PPP3R1: variants seen among roughly 807,000 people sequenced by gnomAD.
PPP3R1 encodes calcineurin subunit B type 1.
PPP3R1 carries 5 observed loss-of-function variants against 22.6 expected under a neutral mutation model. The observed-to-expected ratio is 0.22, with a 90% CI of 0.12 to 0.46. PPP3R1 has a LOEUF of 0.46. Ranked by LOEUF, PPP3R1 falls within the 20% of genes least tolerant of loss-of-function variation. The pLI is 0.99. For synonymous variants in PPP3R1, 56 were observed against 65.2 expected, an observed-to-expected ratio of 0.86 and a Z score of 0.68; for missense variants, 61 against 203.2, an observed-to-expected ratio of 0.30 and a Z score of 4.25.
intron 1 of PPP3R1, among the ~76,000 whole-genome samples, chr2:68,232,638 GCT>G (rs1174552258): frequency 1.3e-5 from 2 of 151,748 alleles, no homozygotes; most frequent in African/African-American, 4.8e-5. Context: ...ACAGAGTCTT[GCT>G]CTGTCACCCA....
intron 1 of PPP3R1, among the ~76,000 whole-genome samples, chr2:68,246,257 T>C (rs1670235405): frequency 6.6e-6 from 1 of 151,730 alleles, no homozygotes; most frequent in Admixed American, 6.6e-5. Context: ...GTATTTTTAG[T>C]AGAGACAGGG....
intron 2 of PPP3R1, among the ~76,000 whole-genome samples, chr2:68,190,161 G>A (rs894785323): frequency 2.1e-5 from 3 of 145,788 alleles, no homozygotes; most frequent in East Asian, 4.1e-4. Flanking sequence ...CACGTAATTC[G>A]TAAAGAGGAA....
Position 68,204,145 on chromosome 2 carries a change from CTT to C in PPP3R1, c.43+12945_43+12946del, listed in dbSNP as rs576497569. ...TAAGGTAGTATCTTGCACTCAGTCA[CTT>C]TTCCAAAGTTATCATGCCAAGTTAG... On this transcript the variant is annotated intron_variant, in intron 2 of 5. Coordinates refer to ENST00000234310, the MANE Select transcript of PPP3R1 (RefSeq NM_000945.4). Among the ~76,000 whole-genome samples the C allele has an allele frequency of 2.3e-3, 356 of 152,158 alleles. 1 individual carries two copies. Among genetic ancestry groups the C allele is most frequent in the African/African-American group, 8.0e-3 (332 of 41,516 alleles).
Position 68,210,290 on chromosome 2 carries a change from TA to T in PPP3R1, c.43+6801del, listed in dbSNP as rs1367639535. Reference sequence around the variant, plus strand: ...TTAACATAAGCTCCCTGGGTCATCTTAACTGGTCCTTCATTCAAGAACTTCT... The same window carrying T: ...TTAACATAAGCTCCCTGGGTCATCTTACTGGTCCTTCATTCAAGAACTTCT... On this transcript the variant is annotated intron_variant, in intron 2 of 5. Transcript: ENST00000234310. 6.6e-5 allele frequency among the ~76,000 whole-genome samples: 10 copies of T among 152,224 alleles called. No individual in the cohort carries two copies. The East Asian group carries it at 9.6e-4, about 15-fold the overall frequency.
At chr2:68,219,052 A>C (rs761404294) in intron 1 of PPP3R1, among the ~76,000 whole-genome samples, 1 of 152,172 alleles carries the variant, frequency 6.6e-6, no homozygotes, top group Non-Finnish European at 1.5e-5. Flanking sequence ...AATCTGTCCC[A>C]AACTGACCAC....
intron 1 of PPP3R1, among the ~76,000 whole-genome samples, chr2:68,246,067 C>CTTTTTTT (rs746584723): frequency 8.8e-4 from 65 of 73,784 alleles, no homozygotes; most frequent in African/African-American, 1.7e-3. Context: ...TTCTTTCTTT[C>CTTTTTTT]TTTTTTTTTT....
intron 1 of PPP3R1, among the ~76,000 whole-genome samples, chr2:68,219,480 C>T (rs1476422361): frequency 6.6e-6 from 1 of 152,138 alleles, no homozygotes. Flanking sequence ...GGGAGTATTA[C>T]ATTTATCAGT....
chr2:68,235,266 A>G (rs1669997326), intron 1 of PPP3R1, among the ~76,000 whole-genome samples: 1 of 152,154 alleles, frequency 6.6e-6, no homozygotes. Context: ...ATACAACTCA[A>G]TGGTTTTAGT....
At chr2:68,187,621 G>A (rs895543325) in intron 3 of PPP3R1, among the ~76,000 whole-genome samples, 5 of 151,966 alleles carry the variant, frequency 3.3e-5, no homozygotes. Flanking sequence ...GAATATGACT[G>A]TAACAAGGGG....
At chr2:68,191,554 T>TAC (rs1674669243) in intron 2 of PPP3R1, among the ~76,000 whole-genome samples, 1 of 152,182 alleles carries the variant, frequency 6.6e-6, no homozygotes, top group African/African-American at 2.4e-5. Flanking sequence ...TTATAAACTC[T>TAC]GTACACTTAG....
intron 1 of PPP3R1, among the ~76,000 whole-genome samples, chr2:68,250,263 A>G (rs1670321413): frequency 6.6e-6 from 1 of 152,210 alleles, no homozygotes; most frequent in Admixed American, 6.5e-5. Flanking sequence ...ACACCGTAAA[A>G]TATTTTAAAA....
At chr2:68,200,875 T>C (rs1314819902) in intron 2 of PPP3R1, among the ~76,000 whole-genome samples, 1 of 152,226 alleles carries the variant, frequency 6.6e-6, no homozygotes, top group African/African-American at 2.4e-5. Flanking sequence ...AAGGCCTGTG[T>C]ATTATTGTTT....
chr2:68,231,865 G>A (rs1303369545), intron 1 of PPP3R1, among the ~76,000 whole-genome samples: 1 of 151,936 alleles, frequency 6.6e-6, no homozygotes, highest in East Asian at 1.9e-4. Flanking sequence ...ATGTTTTAGT[G>A]TTATTATGAA....
In PPP3R1 at chr2:68,204,460, CTA is replaced by C. The variant is rs370738697; in HGVS notation, c.43+12630_43+12631del. On this transcript the variant is annotated intron_variant, in intron 2 of 5. Transcript: ENST00000234310. ...TTTTGTAAGATTTACTGAAGACAGA[CTA>C]TATAATACTATGATTAAAAATATTG... Among the ~76,000 whole-genome samples the C allele has an allele frequency of 2.5e-4, 38 of 151,890 alleles. No homozygotes were observed. In the South Asian group the frequency reaches 4.4e-3, roughly 17 times the overall value.
intron 1 of PPP3R1, among the ~76,000 whole-genome samples, chr2:68,224,802 GA>G (rs1002882764): frequency 6.6e-6 from 1 of 151,620 alleles, no homozygotes; most frequent in East Asian, 1.9e-4. Flanking sequence ...ATTAAATGGG[GA>G]AAAAAAATCT....
intron 1 of PPP3R1, among the ~76,000 whole-genome samples, chr2:68,223,626 A>T (rs1225422321): frequency 6.6e-6 from 1 of 152,190 alleles, no homozygotes; most frequent in Admixed American, 6.5e-5. Flanking sequence ...ACGCAATAAA[A>T]GCATCTGACA....
At chr2:68,235,402 A>G (rs1054464747) in intron 1 of PPP3R1, among the ~76,000 whole-genome samples, 6 of 152,096 alleles carry the variant, frequency 3.9e-5, no homozygotes, top group African/African-American at 1.2e-4. Context: ...GTAATCACAA[A>G]TCTACTTTCT....
intron 2 of PPP3R1, among the ~76,000 whole-genome samples, chr2:68,193,935 C>A (rs574652431): frequency 2.0e-5 from 3 of 152,138 alleles, no homozygotes; most frequent in African/African-American, 7.2e-5. Flanking sequence ...GGATCATATT[C>A]CCTTAAAAGA....
chr2:68,250,838 G>A (rs201730287), intron 1 of PPP3R1, among the ~76,000 whole-genome samples: 2 of 152,044 alleles, frequency 1.3e-5, no homozygotes, highest in African/African-American at 2.4e-5. Flanking sequence ...CTAATTTCAC[G>A]TTCTTCCCTT....
Sources: allele counts gnomAD v4.1 joint callset (sites outside exome capture counted in the v4.1 genomes callset), GRCh38; gene constraint gnomAD v4.1.1; transcripts MANE v1.5; gene names NCBI Gene and HGNC (gene_info 2026-07-23, HGNC 2026-07-21).